SFTPD: variants seen among roughly 807,000 people sequenced by gnomAD.
SFTPD encodes surfactant protein D.
A neutral mutation model predicts 34.6 loss-of-function variants in SFTPD; 18 were observed. That is an observed-to-expected ratio of 0.52 (90% confidence interval 0.36 to 0.77). The LOEUF is 0.77. SFTPD is among the 30% of genes least tolerant of loss of function. The pLI is 0.00. For missense variants in SFTPD, 433 were observed against 468.9 expected (o/e 0.92, Z 0.71); for synonymous variants, 155 against 180.9 (o/e 0.86, Z 1.15).
At chr10:79,956,626 C>A (rs1209668786) in intron 1 of SFTPD, among the ~76,000 whole-genome samples, 1 of 152,232 alleles carries the variant, frequency 6.6e-6, no homozygotes, top group Admixed American at 6.5e-5. Context: ...ATTGCCCAGG[C>A]TTGATTAGGT....
At chr10:79,942,718 G>T in intron 3 of SFTPD, 45 bp downstream of exon 3, 1 of 1,314,224 alleles carries the variant, frequency 7.6e-7, no homozygotes, top group Non-Finnish European at 1.1e-6. Context: ...CCTTGCAGCT[G>T]CACCACCACC....
At chr10:79,981,631 C>T (rs1842890911) in intron 1 of SFTPD, among the ~76,000 whole-genome samples, 1 of 152,152 alleles carries the variant, frequency 6.6e-6, no homozygotes, top group African/African-American at 2.4e-5. Flanking sequence ...CCTGGCGCAC[C>T]GCCCGTTTTT....
intron 1 of SFTPD, among the ~76,000 whole-genome samples, chr10:79,955,449 A>AAAACAAAC (rs571260122): frequency 6.6e-6 from 1 of 152,160 alleles, no homozygotes; most frequent in African/African-American, 2.4e-5. Flanking sequence ...AAAACAAAAC[A>AAAACAAAC]AAACAAACAA....
In SFTPD at chr10:79,937,821, G is replaced by A. The variant is rs1176432701; in HGVS notation, c.*31C>T. The stretch of plus-strand genomic sequence containing the variant: ...CCTTGACTTCTGGCCAAACTCCTGG[G>A]CCAAGCACTGCCCCACCCACCCCAG... On this transcript the variant is annotated 3_prime_UTR_variant, in exon 8 of 8. Transcript: ENST00000372292. 1 of 1,516,386 alleles carries A rather than the reference G, an allele frequency of 6.6e-7. No individual in the cohort carries two copies. 93.9% of individuals were successfully genotyped at this position (1,516,386 alleles called of 1,614,324 possible). A position where few individuals can be genotyped will look rare whatever the true frequency, so the allele number is the denominator to read the frequency against.
intron 1 of SFTPD, among the ~76,000 whole-genome samples, chr10:79,956,322 C>T (rs1194807522): frequency 4.6e-5 from 7 of 152,330 alleles, no homozygotes; most frequent in South Asian, 2.1e-4. Flanking sequence ...GTGGGTGCAG[C>T]GCACCATGCA....
chr10:79,966,853 T>C (rs1842805650), intron 1 of SFTPD, among the ~76,000 whole-genome samples: 1 of 147,688 alleles, frequency 6.8e-6, no homozygotes, highest in Admixed American at 6.7e-5. Context: ...CCTTTCCCCA[T>C]TGCTTGTTTT....
chr10:79,944,784 C>G (rs1842649081), intron 2 of SFTPD, among the ~76,000 whole-genome samples: 1 of 152,006 alleles, frequency 6.6e-6, no homozygotes, highest in Non-Finnish European at 1.5e-5. Context: ...TCATATTTAC[C>G]CTCCATGATA....
At position 79,942,475 on chromosome 10, in the gene SFTPD, G is replaced by A. The variant is rs1467333603; in HGVS notation, c.346C>T (p.Pro116Ser). The change falls in exon 4 of 8, where the codon CCA becomes TCA. Residue 116 changes from proline (P) to serine (S), a missense_variant. Coordinates refer to ENST00000372292, the MANE Select transcript of SFTPD (RefSeq NM_003019.5). Reference protein sequence around the residue: ...GPPGPPGVPGPAGREGPLGKQ... With the variant: ...GPPGPPGVPGSAGREGPLGKQ... The stretch of plus-strand genomic sequence containing the variant: ...CCCAGGGGACCTTCTCTTCCAGCTG[G>A]ACCAGGCACACCGGGAGGTCCTGGA... 1 of 1,613,398 alleles carries A rather than the reference G, an allele frequency of 6.2e-7. No individual in the cohort carries two copies.
upstream of SFTPD, among the ~76,000 whole-genome samples, chr10:79,951,997 T>G (rs1395974232): frequency 6.6e-6 from 1 of 152,202 alleles, no homozygotes; most frequent in Non-Finnish European, 1.5e-5. Context: ...CAATCCACTT[T>G]CCTAAAACAC....
At chr10:79,963,142 A>G (rs1253696618) in intron 1 of SFTPD, among the ~76,000 whole-genome samples, 2 of 152,106 alleles carry the variant, frequency 1.3e-5, no homozygotes, top group Non-Finnish European at 2.9e-5. Flanking sequence ...CAGGAGTTTG[A>G]CACAAGCCTT....
intron 1 of SFTPD, among the ~76,000 whole-genome samples, chr10:79,947,437 C>G (rs890436583): frequency 3.9e-5 from 6 of 152,156 alleles, no homozygotes; most frequent in African/African-American, 1.4e-4. Context: ...TGCCTGTAAC[C>G]CCAGCACTTT....
chr10:79,980,968 C>A (rs1842887049), intron 1 of SFTPD, among the ~76,000 whole-genome samples: 1 of 152,138 alleles, frequency 6.6e-6, no homozygotes. Context: ...AACATGACCT[C>A]ACCAAACTAA....
chr10:79,941,650 G>T, intron 5 of SFTPD, 136 bp from the exon 6 acceptor site: 1 of 684,362 alleles, frequency 1.5e-6, no homozygotes, highest in Non-Finnish European at 2.5e-6. Flanking sequence ...ACCCAGCCAT[G>T]CAGCTCCCTG....
chr10:79,967,050 AC>A (rs1317285583), intron 1 of SFTPD, among the ~76,000 whole-genome samples: 2 of 126,454 alleles, frequency 1.6e-5, no homozygotes, highest in Non-Finnish European at 3.2e-5. Flanking sequence ...TATCTAGAAA[AC>A]CCCATCGTCT....
chr10:79,940,788 T>C lies in SFTPD; in HGVS notation c.668A>G (p.Asp223Gly), dbSNP rs374155865. The C allele has an allele frequency of 2.5e-6, 4 of 1,605,504 alleles. No homozygotes were observed. The African/African-American group carries it at 5.4e-5, about 21-fold the overall frequency. ...KGAKGESGLPDVASLRQQVEA... is the reference protein window; with the variant it reads ...KGAKGESGLPGVASLRQQVEA... ...AACCTGCTGCCTCAGAGAAGCAACA[T>C]CTGGAGGGGAGAAAATGGCCAAGTA... is the stretch of plus-strand genomic sequence containing the variant. The change falls in exon 7 of 8, where the codon GAT becomes GGT. Residue 223 changes from aspartate to glycine, a missense_variant and splice_region_variant. Transcript: ENST00000372292.
chr10:79,961,448 A>G (rs961233375), intron 1 of SFTPD, among the ~76,000 whole-genome samples: 9 of 147,278 alleles, frequency 6.1e-5, no homozygotes, highest in Admixed American at 4.9e-4. Context: ...ACAAATTTAC[A>G]AGAAAAAAAA....
chr10:79,942,530 G>T, intron 3 of SFTPD, 26 bp from the exon 4 acceptor site: 1 of 1,450,890 alleles, frequency 6.9e-7, no homozygotes, highest in Non-Finnish European at 9.7e-7. Flanking sequence ...AGCCCGGTCA[G>T]TAACAATGAA....
intron 1 of SFTPD, among the ~76,000 whole-genome samples, chr10:79,954,879 C>G (rs995425678): frequency 3.9e-5 from 6 of 152,166 alleles, no homozygotes; most frequent in African/African-American, 1.4e-4. Context: ...GGGAATGTAT[C>G]TAGACTTGCT....
chr10:79,961,693 G>A (rs1387551367), intron 1 of SFTPD, among the ~76,000 whole-genome samples: 21 of 152,206 alleles, frequency 1.4e-4, no homozygotes, highest in Non-Finnish European at 1.5e-4. Flanking sequence ...TACACTGTTG[G>A]TGGGACTGTA....
Sources: gnomAD v4.1 joint callset for allele counts (sites outside exome capture counted in the v4.1 genomes callset) on GRCh38, gnomAD v4.1.1 for gene constraint, MANE v1.5 for transcripts, NCBI Gene and HGNC (gene_info 2026-07-23, HGNC 2026-07-21) for gene names.